Variants in FCER2 observed in about 807,000 individuals in gnomAD.
The protein encoded by FCER2 is Fc epsilon receptor II.
Under a neutral mutation model 49.7 loss-of-function variants are expected in FCER2, and 38 were observed. That is an observed-to-expected ratio of 0.76 (90% CI 0.59 to 1.00). The LOEUF is 1.00. Ranked by LOEUF, FCER2 falls within the 50% of genes least tolerant of loss-of-function variation. FCER2 has a pLI of 0.00. For missense variants in FCER2, 425 were observed against 419.5 expected (o/e 1.01, Z -0.11); for synonymous variants, 163 against 164.6 (o/e 0.99, Z 0.07).
At chr19:7,689,754 G>C (rs984061630) in intron 10 of FCER2, among the ~76,000 whole-genome samples, 1 of 152,092 alleles carries the variant, frequency 6.6e-6, no homozygotes, top group Admixed American at 6.6e-5. Context: ...CAAATAGCTG[G>C]GATTACAGGC....
At position 7,689,681 on chromosome 19, in the gene FCER2, G is replaced by A. The variant is rs1021071374; in HGVS notation, c.729-251C>T. ...TGTCGCCCAGGCTGGAGTGCAGTGC[G>A]CGATCTCAGCTCACTGCAACCTCCG... On this transcript the variant is annotated intron_variant, in intron 10 of 10. Coordinates refer to ENST00000597921, the MANE Select transcript of FCER2 (RefSeq NM_001220500.2). 3.8e-4 allele frequency among the ~76,000 whole-genome samples: 57 copies of A among 151,996 alleles called. 1 individual carries two copies. Among genetic ancestry groups the A allele is most frequent in the African/African-American group, 1.3e-3 (54 of 41,358 alleles).
chr19:7,693,994 C>G (rs35157374), intron 8 of FCER2, among the ~76,000 whole-genome samples: 40,399 of 146,174 alleles, frequency 0.28, 6,146 homozygotes, highest in African/African-American at 0.43. Flanking sequence ...GTCTCATCAT[C>G]TTGCCCAGGC....
At chr19:7,693,344 A>G (rs1020254271) in intron 8 of FCER2, among the ~76,000 whole-genome samples, 3 of 152,180 alleles carry the variant, frequency 2.0e-5, no homozygotes, top group African/African-American at 7.2e-5. Context: ...CAATCCCTCA[A>G]TATGGTCTCT....
Position 7,697,007 on chromosome 19 carries a change from C to G in FCER2, c.379+6G>C. ...CCCCACTGCCCCATCCCCTCCCAAG[C>G]CTCACCCTGGGACTTGAAGCTGCTC... On this transcript the variant is annotated splice_donor_region_variant and intron_variant, in intron 7 of 10. Transcript: ENST00000597921. 6.3e-7 allele frequency: 1 copy of G among 1,586,664 alleles called. No homozygotes were observed. The highest frequency in any genetic ancestry group is 8.6e-7 in the Non-Finnish European group (1 of 1,166,234).
At position 7,692,018 on chromosome 19, in the gene FCER2, G is replaced by A. The variant is rs772364090; in HGVS notation, c.470-1461C>T. ...CATCAACCACCAACACCATCAGCAC[G>A]AATACATTCACGTCCAACAACACAT... On this transcript the variant is annotated intron_variant, in intron 8 of 10. Coordinates refer to ENST00000597921, the MANE Select transcript of FCER2 (RefSeq NM_001220500.2). Among the ~76,000 whole-genome samples, 258 of 69,532 alleles carry A rather than the reference G, an allele frequency of 3.7e-3. 55 individuals carry two copies. Among genetic ancestry groups the A allele is most frequent in the Non-Finnish European group, 5.8e-3 (212 of 36,522 alleles). The allele number at this position is 69,532 out of a possible 152,430, so 45.6% of individuals were successfully genotyped here.
At position 7,697,279 on chromosome 19, in the gene FCER2, T is replaced by C. The variant is rs1217144510; in HGVS notation, c.273A>G (p.Glu91=). 6.2e-7 allele frequency: 1 copy of C among 1,614,202 alleles called. No homozygotes were observed. The highest frequency in any genetic ancestry group is 8.5e-7 in the Non-Finnish European group (1 of 1,180,024). ...GCTGTTCAGCTCGAAGTTCCTCCAG[T>C]TCCTGTGAAATCTGCGTGGCTGTTT... ...QKSQSTQISQ[E]LEELRAEQQR... Residue 91 remains glutamate, a synonymous_variant, in exon 6 of 11, where the codon GAA becomes GAG. Transcript: ENST00000597921.
At chr19:7,693,231 G>C (rs34613454) in intron 8 of FCER2, among the ~76,000 whole-genome samples, 51,238 of 151,932 alleles carry the variant, frequency 0.34, 9,554 homozygotes, top group African/African-American at 0.5. Context: ...GGCAGAACCC[G>C]CCAAACCAGC....
In FCER2 at chr19:7,689,157, T is replaced by C; in HGVS notation, c.*36A>G. On this transcript the variant is annotated 3_prime_UTR_variant, in exon 11 of 11. Transcript: ENST00000597921. ...GGCTTTTAGGCCGTGGTTGGGGGTC[T>C]TCAGGGTCTTGCTCTGGGCCTGGCT... 2 of 1,465,676 alleles carry C rather than the reference T, an allele frequency of 1.4e-6. No homozygotes were observed. The highest frequency in any genetic ancestry group is 2.3e-5 in the South Asian group (2 of 87,610). The allele number at this position is 1,465,676 out of a possible 1,614,324, so 90.8% of individuals were successfully genotyped here.
At chr19:7,700,803 G>A (rs776195277) in intron 1 of FCER2, among the ~76,000 whole-genome samples, 1 of 148,260 alleles carries the variant, frequency 6.7e-6, no homozygotes, top group Non-Finnish European at 1.5e-5. Flanking sequence ...GTGAGCCACT[G>A]TGCATGGCCT....
At chr19:7,699,505 T>A in intron 2 of FCER2, 1 of 1,397,526 alleles carries the variant, frequency 7.2e-7, no homozygotes, top group Non-Finnish European at 9.4e-7. Context: ...TTTTCTTTTT[T>A]TGTCAGGAGG....
Position 7,689,113 on chromosome 19 carries a change from G to A in FCER2, c.*80C>T, listed in dbSNP as rs2032780697. 7 of 976,530 alleles carry A rather than the reference G, an allele frequency of 7.2e-6. No homozygotes were observed. 60.5% of individuals were successfully genotyped at this position (976,530 alleles called of 1,614,324 possible). On this transcript the variant is annotated 3_prime_UTR_variant, in exon 11 of 11. Coordinates refer to ENST00000597921, the MANE Select transcript of FCER2 (RefSeq NM_001220500.2). ...TTTGGGTGGCAGAAAATGTCACAGG[G>A]ACCTTTCAGCCACAAAGAGGCTTTT... is the stretch of plus-strand genomic sequence containing the variant.
chr19:7,694,965 G>C (rs576699780), intron 8 of FCER2, among the ~76,000 whole-genome samples: 3 of 152,266 alleles, frequency 2.0e-5, no homozygotes, highest in East Asian at 3.9e-4. Context: ...CTCCGGAGTA[G>C]ATGAGACTAC....
intron 8 of FCER2, among the ~76,000 whole-genome samples, chr19:7,696,566 C>T (rs1423189187): frequency 6.6e-6 from 1 of 151,494 alleles, no homozygotes; most frequent in African/African-American, 2.4e-5. Context: ...ATAAAATAAG[C>T]GGTGTTTTAT....
intron 8 of FCER2, among the ~76,000 whole-genome samples, chr19:7,692,059 TCACCACGAGCACATTCA>T: frequency 9.6e-6 from 1 of 104,634 alleles, no homozygotes; most frequent in Non-Finnish European, 2.0e-5. Flanking sequence ...ACCAACACCA[TCACCACGAGCACATTCA>T]TGTCCAACAA....
At chr19:7,694,962 G>C (rs2032975367) in intron 8 of FCER2, among the ~76,000 whole-genome samples, 1 of 152,116 alleles carries the variant, frequency 6.6e-6, no homozygotes, top group Non-Finnish European at 1.5e-5. Context: ...AGCCTCCGGA[G>C]TAGATGAGAC....
intron 3 of FCER2, 102 bp from the exon 4 acceptor site, chr19:7,698,511 C>A: frequency 9.6e-7 from 1 of 1,037,302 alleles, no homozygotes; most frequent in Non-Finnish European, 1.5e-6. Flanking sequence ...TGGGTATAAG[C>A]CATGGAGGTG....
chr19:7,696,075 G>C (rs907033523), intron 8 of FCER2, among the ~76,000 whole-genome samples: 2 of 151,418 alleles, frequency 1.3e-5, no homozygotes, highest in Non-Finnish European at 2.9e-5. Context: ...CTAGGATTAC[G>C]TATGCCCGCC....
rs1036781021 is a variant in FCER2 at position 7,689,382 on chromosome 19, G to A, written c.777C>T (p.Cys259=). Residue 259 remains cysteine, a synonymous_variant, in exon 11 of 11, where the codon TGC becomes TGT. Transcript: ENST00000597921. ...AGCGACCGGAGCCCCGCATCATCAC[G>A]CAGTCCTCGCCCTGGCTCCGGCTGG... ...EPTSRSQGED[C]VMMRGSGRWN... 11 of 1,607,898 alleles carry A rather than the reference G, an allele frequency of 6.8e-6. No individual in the cohort carries two copies. Among genetic ancestry groups the A allele is most frequent in the South Asian group, 3.3e-5 (3 of 90,244 alleles).
intron 1 of FCER2, among the ~76,000 whole-genome samples, chr19:7,700,633 G>A (rs12459163): frequency 0.052 from 7,908 of 151,760 alleles, 276 homozygotes; most frequent in East Asian, 0.19. Flanking sequence ...TCCCGCCTCA[G>A]CCTCCCGAGT....
Sources: allele counts gnomAD v4.1 joint callset (sites outside exome capture counted in the v4.1 genomes callset), GRCh38; gene constraint gnomAD v4.1.1; transcripts MANE v1.5; gene names NCBI Gene and HGNC (gene_info 2026-07-23, HGNC 2026-07-21).